MTUS1: variants seen among roughly 807,000 people sequenced by gnomAD.
The protein encoded by MTUS1 is microtubule-associated tumor suppressor 1.
In MTUS1, 109 loss-of-function variants were observed where a neutral mutation model predicts 120.8. The observed-to-expected ratio is 0.90, with a 90% CI of 0.77 to 1.06. The LOEUF is 1.06. Among genes scored for constraint, MTUS1 ranks in the 50% least tolerant of loss-of-function variants. The probability of loss-of-function intolerance (pLI) is 0.00; values close to 1 mark genes in which losing one functional copy is unlikely to be tolerated. For synonymous variants in MTUS1, 737 were observed against 550.5 expected (o/e 1.34, Z -4.74); for missense variants, 2,210 against 1,486.3 (o/e 1.49, Z -8.01).
In MTUS1 at chr8:17,758,005, A is replaced by C. The variant is rs1019637637; in HGVS notation, c.-154-2044T>G. ...GTTAACTCTTTTTACTACTGCAAAC[A>C]GATACGCACACACTTGAACTAATTT... On this transcript the variant is annotated intron_variant, in intron 1 of 14. Transcript: ENST00000693296. The C allele has an allele frequency of 2.6e-5, 4 of 152,052 alleles. No homozygotes were observed. In the East Asian group the frequency reaches 7.8e-4, roughly 30 times the overall value. 9.4% of individuals were successfully genotyped at this position (152,052 alleles called of 1,614,324 possible).
chr8:17,738,184 T>A lies in MTUS1; in HGVS notation c.2287+5420A>T, dbSNP rs906237452. On this transcript the variant is annotated intron_variant, in intron 3 of 14. Transcript: ENST00000693296. Reference sequence around the variant, plus strand: ...TTCTCTAGAAGAAAACCAAAAACCATCTCTTTCAGGAGGCCTTTCTTCACC... The same window carrying A: ...TTCTCTAGAAGAAAACCAAAAACCAACTCTTTCAGGAGGCCTTTCTTCACC... Among the ~76,000 whole-genome samples the A allele has an allele frequency of 1.1e-4, 17 of 152,192 alleles. 1 individual carries two copies. Among genetic ancestry groups the A allele is most frequent in the Admixed American group, 1.1e-3 (17 of 15,280 alleles).
At chr8:17,649,123 A>G (rs1806444400) in intron 13 of MTUS1, among the ~76,000 whole-genome samples, 1 of 151,574 alleles carries the variant, frequency 6.6e-6, no homozygotes, top group East Asian at 1.9e-4. Flanking sequence ...GAGTCTTGCT[A>G]TGTCGCCCAG....
At chr8:17,691,342 T>C (rs571882426) in intron 6 of MTUS1, 60 of 152,356 alleles carry the variant, frequency 3.9e-4, no homozygotes, top group African/African-American at 1.3e-3. Context: ...CACTTTATTG[T>C]CTTCTTCAAT....
chr8:17,759,552 G>A (rs1277427498), intron 1 of MTUS1, among the ~76,000 whole-genome samples: 2 of 149,088 alleles, frequency 1.3e-5, no homozygotes, highest in Non-Finnish European at 3.0e-5. Context: ...ATTTAAAAAG[G>A]GGGCAGGATT....
chr8:17,668,774 C>T (rs1164551015), intron 8 of MTUS1, among the ~76,000 whole-genome samples: 2 of 152,148 alleles, frequency 1.3e-5, no homozygotes, highest in Non-Finnish European at 2.9e-5. Flanking sequence ...TTCATCACCC[C>T]GGTACTAAGC....
chr8:17,756,022 G>T, intron 1 of MTUS1, 61 bp from the exon 2 acceptor site: 1 of 1,048,882 alleles, frequency 9.5e-7, no homozygotes, highest in Non-Finnish European at 1.3e-6. Context: ...GCCACCCCTT[G>T]GTTTCAATCA....
chr8:17,743,207 T>C (rs943282429), intron 3 of MTUS1, among the ~76,000 whole-genome samples: 5 of 151,962 alleles, frequency 3.3e-5, no homozygotes, highest in Non-Finnish European at 5.9e-5. Flanking sequence ...CATCTTTCAG[T>C]AAAATTAAAA....
chr8:17,754,568 C>T lies in MTUS1; in HGVS notation c.1240G>A (p.Asp414Asn), dbSNP rs1204886580. 1.1e-5 allele frequency: 17 copies of T among 1,614,024 alleles called. No individual in the cohort carries two copies. The highest frequency in any genetic ancestry group is 1.4e-5 in the Non-Finnish European group (17 of 1,180,038). ...GTGCTAATGACCATATCATTTGCATCCCAAGTCAGTCCAAATGACGAGCCC... is the reference window on the plus strand; with the variant it reads ...GTGCTAATGACCATATCATTTGCATTCCAAGTCAGTCCAAATGACGAGCCC... ...KVGSSFGLTW[D>N]ANDMVISTDK... Residue 414 changes from aspartate to asparagine, a missense_variant, in exon 2 of 15, where the codon GAT becomes AAT. Physicochemically the swap from Asp to Asn is conservative, Grantham distance 23 (BLOSUM62 1). Coordinates refer to ENST00000693296, the MANE Select transcript of MTUS1 (RefSeq NM_001363059.2).
intron 5 of MTUS1, among the ~76,000 whole-genome samples, chr8:17,715,427 T>C (rs186949758): frequency 6.6e-6 from 1 of 152,278 alleles, no homozygotes; most frequent in African/African-American, 2.4e-5. Flanking sequence ...GTAATAAACA[T>C]AAAACATCTA....
chr8:17,754,473 A>C lies in MTUS1; in HGVS notation c.1335T>G (p.Ile445Met), dbSNP rs1371914623. ...PTKVTFSVSP[I>M]EATEKCKKVE... ...CTTTCTTACATTTCTCCGTCGCTTCAATCGGTGAAACAGAAAAGGTTACTT... is the reference window on the plus strand; with the variant it reads ...CTTTCTTACATTTCTCCGTCGCTTCCATCGGTGAAACAGAAAAGGTTACTT... The change falls in exon 2 of 15, where the codon ATT becomes ATG. Residue 445 changes from isoleucine (I) to methionine (M), a missense_variant. Coordinates refer to ENST00000693296, the MANE Select transcript of MTUS1 (RefSeq NM_001363059.2). 1 of 1,614,136 alleles carries C rather than the reference A, an allele frequency of 6.2e-7. No individual in the cohort carries two copies.
At chr8:17,775,462 C>T (rs561572719) in intron 1 of MTUS1, among the ~76,000 whole-genome samples, 26 of 152,214 alleles carry the variant, frequency 1.7e-4, no homozygotes, top group Admixed American at 1.4e-3. Context: ...AGGGTCTACA[C>T]GACAGCATGC....
At chr8:17,697,324 G>C (rs1478871488) in intron 6 of MTUS1, 2 of 1,614,128 alleles carry the variant, frequency 1.2e-6, no homozygotes, top group South Asian at 1.1e-5. Flanking sequence ...GCAATCCTTT[G>C]GCCGTCAGTC....
At chr8:17,798,901 C>T (rs913687489) in intron 1 of MTUS1, among the ~76,000 whole-genome samples, 2 of 152,166 alleles carry the variant, frequency 1.3e-5, no homozygotes, top group African/African-American at 4.8e-5. Flanking sequence ...TCTGGCACTA[C>T]ATCAAATTTC....
At chr8:17,654,322 C>T (rs1585420079) in intron 10 of MTUS1, 2 of 525,664 alleles carry the variant, frequency 3.8e-6, no homozygotes, top group East Asian at 3.1e-5. Flanking sequence ...ATGGCCTTTA[C>T]AGTCTTCCAA....
chr8:17,787,337 T>G (rs985613841), intron 1 of MTUS1, among the ~76,000 whole-genome samples: 12 of 152,226 alleles, frequency 7.9e-5, no homozygotes, highest in African/African-American at 2.9e-4. Context: ...GACAGTCACA[T>G]TCCCCCATCC....
chr8:17,645,922 G>A lies in MTUS1; in HGVS notation c.*4C>T. ...TCAGAGAGTCTGTGGACTTTGGGGA[G>A]GTGTCATCTGGGTGAAATGCTGGGG... is the stretch of plus-strand genomic sequence containing the variant. On this transcript the variant is annotated 3_prime_UTR_variant, in exon 15 of 15. Transcript: ENST00000693296. The A allele has an allele frequency of 6.2e-7, 1 of 1,607,994 alleles. No individual in the cohort carries two copies. Among genetic ancestry groups the A allele is most frequent in the Non-Finnish European group, 8.5e-7 (1 of 1,178,126 alleles).
At position 17,777,515 on chromosome 8, in the gene MTUS1, C is replaced by T. The variant is rs184750390; in HGVS notation, c.-154-21554G>A. On this transcript the variant is annotated intron_variant, in intron 1 of 14. Transcript: ENST00000693296. ...TGGAACTAAATAACATAAATCCAGG[C>T]GCTGTGCATCAGCCACCTTCTCCAC... 1.8e-3 allele frequency among the ~76,000 whole-genome samples: 268 copies of T among 151,846 alleles called. 1 individual carries two copies. Among genetic ancestry groups the T allele is most frequent in the African/African-American group, 5.9e-3 (245 of 41,416 alleles).
chr8:17,661,387 A>G (rs750939493), intron 8 of MTUS1, among the ~76,000 whole-genome samples: 9 of 152,218 alleles, frequency 5.9e-5, no homozygotes, highest in Non-Finnish European at 1.2e-4. Context: ...CTGGAAGCTC[A>G]TATCTGGGAC....
intron 6 of MTUS1, among the ~76,000 whole-genome samples, chr8:17,694,367 A>T (rs76217540): frequency 0.019 from 2,822 of 152,266 alleles, 84 homozygotes; most frequent in African/African-American, 0.064. Context: ...ACAAGTAATG[A>T]TTCAAAGGTG....
Sources: gnomAD v4.1 joint callset for allele counts (sites outside exome capture counted in the v4.1 genomes callset) on GRCh38, gnomAD v4.1.1 for gene constraint, MANE v1.5 for transcripts, NCBI Gene and HGNC (gene_info 2026-07-23, HGNC 2026-07-21) for gene names.